Variants in TMEM9 observed in about 807,000 individuals in gnomAD.
The protein encoded by TMEM9 is transmembrane protein 9, also known as proton-transporting V-type ATPase complex assembly regulator TMEM9.
TMEM9 carries 13 observed loss-of-function variants against 22.8 expected under a neutral mutation model. The observed-to-expected ratio is 0.57, with a 90% CI of 0.37 to 0.91. TMEM9 has a LOEUF of 0.91. Among genes scored for constraint, TMEM9 ranks in the 40% least tolerant of loss-of-function variants. TMEM9 has a pLI of 0.01. For synonymous variants in TMEM9, 88 were observed against 93.0 expected (o/e 0.95, Z 0.31); for missense variants, 182 against 238.1 (o/e 0.76, Z 1.55).
intron 4 of TMEM9, among the ~76,000 whole-genome samples, chr1:201,140,701 G>C (rs1248396963): frequency 6.6e-6 from 1 of 152,136 alleles, no homozygotes; most frequent in Non-Finnish European, 1.5e-5. Context: ...AGACTTCTGG[G>C]GCGTAGGGCC....
At chr1:201,169,596 T>C (rs968803501) in intron 1 of TMEM9, among the ~76,000 whole-genome samples, 4 of 152,140 alleles carry the variant, frequency 2.6e-5, no homozygotes, top group Admixed American at 2.0e-4. Context: ...AAGAAAAATC[T>C]TGGTGGTGAT....
At chr1:201,146,538 C>A in intron 3 of TMEM9, 1 of 675,492 alleles carries the variant, frequency 1.5e-6, no homozygotes, top group South Asian at 1.6e-5. Flanking sequence ...ATGGTAACTA[C>A]TGGAAAGAGA....
chr1:201,143,678 G>A, intron 4 of TMEM9, 142 bp downstream of exon 4: 2 of 726,862 alleles, frequency 2.8e-6, no homozygotes, highest in Non-Finnish European at 4.5e-6. Context: ...CTGAGTCTGG[G>A]TGATGTGTAC....
chr1:201,154,080 G>A lies in TMEM9; in HGVS notation c.-157C>T, dbSNP rs919906240. The A allele has an allele frequency of 3.5e-5, 31 of 878,888 alleles. No homozygotes were observed. The African/African-American group carries it at 4.4e-4, about 13-fold the overall frequency. 54.4% of individuals were successfully genotyped at this position (878,888 alleles called of 1,614,324 possible). On this transcript the variant is annotated 5_prime_UTR_variant, in exon 1 of 5. Coordinates refer to ENST00000367330, the MANE Select transcript of TMEM9 (RefSeq NM_001288565.2). The stretch of plus-strand genomic sequence containing the variant: ...TGGGGGCTGGGCTCCAGGATTCCAA[G>A]GCCTGCTAAACCTGGTCGCCAAACC...
At chr1:201,159,644 C>A (rs973442286) in intron 1 of TMEM9, among the ~76,000 whole-genome samples, 1 of 151,216 alleles carries the variant, frequency 6.6e-6, no homozygotes, top group African/African-American at 2.4e-5. Context: ...AAACTCTTGA[C>A]CTCAAGCGAT....
chr1:201,166,229 T>C (rs1260822412), intron 1 of TMEM9, among the ~76,000 whole-genome samples: 1 of 152,136 alleles, frequency 6.6e-6, no homozygotes, highest in Non-Finnish European at 1.5e-5. Flanking sequence ...TTCCTATGAC[T>C]GTCTTGGTAT....
chr1:201,163,870 C>T (rs998291194), intron 1 of TMEM9, among the ~76,000 whole-genome samples: 6 of 152,176 alleles, frequency 3.9e-5, no homozygotes, highest in African/African-American at 1.2e-4. Flanking sequence ...GGCAATTGCA[C>T]TCCTGGGCAT....
intron 2 of TMEM9, among the ~76,000 whole-genome samples, chr1:201,148,562 G>A (rs916834856): frequency 2.2e-4 from 34 of 152,210 alleles, no homozygotes; most frequent in African/African-American, 7.7e-4. Flanking sequence ...GAGATAAAGC[G>A]GTTGCACCGG....
chr1:201,156,685 C>T (rs1307754055), upstream of TMEM9, among the ~76,000 whole-genome samples: 1 of 152,212 alleles, frequency 6.6e-6, no homozygotes, highest in African/African-American at 2.4e-5. Context: ...ATAGTCCTAC[C>T]TGACCCAGGG....
At chr1:201,150,897 A>G (rs1401246677) in intron 2 of TMEM9, among the ~76,000 whole-genome samples, 1 of 152,176 alleles carries the variant, frequency 6.6e-6, no homozygotes, top group East Asian at 1.9e-4. Flanking sequence ...TCTCTTCTAC[A>G]GTGACCTCAG....
At chr1:201,137,027 A>G (rs1250391269) in intron 4 of TMEM9, among the ~76,000 whole-genome samples, 2 of 152,244 alleles carry the variant, frequency 1.3e-5, no homozygotes, top group Non-Finnish European at 2.9e-5. Context: ...TCATCCTCTC[A>G]GAGCTCTGAG....
At chr1:201,164,658 G>T (rs1010169191) in intron 1 of TMEM9, among the ~76,000 whole-genome samples, 1 of 152,180 alleles carries the variant, frequency 6.6e-6, no homozygotes, top group African/African-American at 2.4e-5. Flanking sequence ...ATCCAATAGA[G>T]AAATGGTATC....
intron 1 of TMEM9, among the ~76,000 whole-genome samples, chr1:201,160,542 T>G (rs1665914323): frequency 1.3e-5 from 2 of 151,536 alleles, no homozygotes; most frequent in Non-Finnish European, 2.9e-5. Context: ...TGAGCCGAGA[T>G]CGCGCCATTG....
chr1:201,139,178 CAG>C (rs2102227320), intron 4 of TMEM9, among the ~76,000 whole-genome samples: 1 of 152,312 alleles, frequency 6.6e-6, no homozygotes, highest in African/African-American at 2.4e-5. Context: ...GACAAGGAGA[CAG>C]GGAGAGTGAG....
At chr1:201,167,470 G>C (rs924731444) in intron 1 of TMEM9, among the ~76,000 whole-genome samples, 10 of 152,166 alleles carry the variant, frequency 6.6e-5, no homozygotes, top group Non-Finnish European at 2.9e-5. Context: ...TGTTAGACAT[G>C]GAAAAAACCT....
intron 4 of TMEM9, among the ~76,000 whole-genome samples, chr1:201,141,995 CT>C (rs1664566622): frequency 6.6e-6 from 1 of 152,230 alleles, no homozygotes; most frequent in Non-Finnish European, 1.5e-5. Flanking sequence ...CACATTACCC[CT>C]AATCGCTGAG....
chr1:201,161,144 A>C (rs1009229182), intron 1 of TMEM9, among the ~76,000 whole-genome samples: 1 of 150,848 alleles, frequency 6.6e-6, no homozygotes, highest in East Asian at 1.9e-4. Context: ...AGTGGCATTA[A>C]TTTTTTTTTT....
chr1:201,146,764 C>T lies in TMEM9; in HGVS notation c.243G>A (p.Glu81=). 6.2e-7 allele frequency: 1 copy of T among 1,614,234 alleles called. No individual in the cohort carries two copies. Among genetic ancestry groups the T allele is most frequent in the Non-Finnish European group, 8.5e-7 (1 of 1,180,042 alleles). ...CCTTGATGGTGGTGGTGCTGCGCTCCTCGTACCTGCACTCGCACAGCAGGC... is the reference window on the plus strand; with the variant it reads ...CCTTGATGGTGGTGGTGCTGCGCTCTTCGTACCTGCACTCGCACAGCAGGC... ...AYCLLCECRY[E]ERSTTTIKVI... The change falls in exon 3 of 5, where the codon GAG becomes GAA. Residue 81 remains glutamate, a synonymous_variant. Transcript: ENST00000367330.
intron 3 of TMEM9, 171 bp from the exon 4 acceptor site, chr1:201,144,122 G>A (rs1185479962): frequency 1.5e-6 from 1 of 651,358 alleles, no homozygotes; most frequent in African/African-American, 1.8e-5. Context: ...AGAAAGGAAA[G>A]GGAGGGCCCT....
Sources: gnomAD v4.1 joint callset for allele counts (sites outside exome capture counted in the v4.1 genomes callset) on GRCh38, gnomAD v4.1.1 for gene constraint, MANE v1.5 for transcripts, NCBI Gene and HGNC (gene_info 2026-07-23, HGNC 2026-07-21) for gene names.